The following ESRRG variants were observed in gnomAD, a reference collection of about 807,000 sequenced individuals.
ESRRG encodes estrogen-related receptor gamma.
Under a neutral mutation model 44.0 loss-of-function variants are expected in ESRRG, and 13 were observed. That is an observed-to-expected ratio of 0.30 (90% CI 0.19 to 0.47). ESRRG has a LOEUF of 0.47. ESRRG is among the 20% of genes least tolerant of loss of function. The pLI, the probability that ESRRG is intolerant of heterozygous loss-of-function variation, is 1.00. For missense variants in ESRRG, 395 were observed against 580.6 expected (o/e 0.68, Z 3.29); for synonymous variants, 215 against 214.6 (o/e 1.00, Z -0.02).
At chr1:216,633,262 C>T (rs1010392539) in intron 3 of ESRRG, among the ~76,000 whole-genome samples, 2 of 152,116 alleles carry the variant, frequency 1.3e-5, no homozygotes, top group African/African-American at 4.8e-5. Context: ...TCAGAAGAAT[C>T]GGAGGGCCTG....
chr1:217,103,200 C>T (rs749653222), intron 1 of ESRRG, among the ~76,000 whole-genome samples: 8 of 151,960 alleles, frequency 5.3e-5, no homozygotes, highest in South Asian at 2.1e-4. Context: ...GGAAGTTGAT[C>T]GAGAGTAGAG....
intron 1 of ESRRG, among the ~76,000 whole-genome samples, chr1:217,061,754 A>G (rs564901068): frequency 6.6e-6 from 1 of 152,190 alleles, no homozygotes; most frequent in Non-Finnish European, 1.5e-5. Flanking sequence ...TAATGCCAAG[A>G]TACCTCCTCT....
intron 1 of ESRRG, among the ~76,000 whole-genome samples, chr1:216,705,880 C>T (rs933835765): frequency 1.1e-4 from 16 of 152,192 alleles, no homozygotes; most frequent in African/African-American, 3.6e-4. Flanking sequence ...GGCAAGGCGC[C>T]CTGTCTGATG....
chr1:216,903,851 ACT>A (rs2059377903), intron 2 of ESRRG, among the ~76,000 whole-genome samples: 1 of 151,902 alleles, frequency 6.6e-6, no homozygotes, highest in Non-Finnish European at 1.5e-5. Flanking sequence ...ACAAGAGGTA[ACT>A]CTCTGCAGGA....
At chr1:216,951,112 C>T (rs1323442221) in intron 1 of ESRRG, among the ~76,000 whole-genome samples, 1 of 152,278 alleles carries the variant, frequency 6.6e-6, no homozygotes, top group African/African-American at 2.4e-5. Context: ...TATATCCTGT[C>T]AACAGCAGCA....
chr1:216,900,901 T>C (rs572162393), intron 2 of ESRRG, among the ~76,000 whole-genome samples: 4 of 152,256 alleles, frequency 2.6e-5, no homozygotes, highest in African/African-American at 7.2e-5. Context: ...AAGTTAGAAG[T>C]GCACTAAGGG....
chr1:216,735,987 A>AAAAAAAAATATAT (rs1453476198), intron 2 of ESRRG, among the ~76,000 whole-genome samples: 11 of 137,092 alleles, frequency 8.0e-5, no homozygotes, highest in East Asian at 2.1e-4. Context: ...CTCAAAAAAA[A>AAAAAAAAATATAT]ATATATATAT....
intron 2 of ESRRG, among the ~76,000 whole-genome samples, chr1:216,824,960 G>C (rs2095365213): frequency 6.6e-6 from 1 of 152,194 alleles, no homozygotes; most frequent in Non-Finnish European, 1.5e-5. Context: ...CTTGCTTGGA[G>C]ACAGAGAATT....
chr1:216,858,270 T>C (rs998698199), intron 2 of ESRRG, among the ~76,000 whole-genome samples: 3 of 150,470 alleles, frequency 2.0e-5, no homozygotes, highest in African/African-American at 7.4e-5. Context: ...ACCCTGTCTC[T>C]ACTAAAAAAA....
intron 1 of ESRRG, among the ~76,000 whole-genome samples, chr1:217,031,310 T>G (rs1365835443): frequency 6.6e-6 from 1 of 152,152 alleles, no homozygotes. Flanking sequence ...CCAGAAAACA[T>G]GCACTGAGAG....
intron 3 of ESRRG, among the ~76,000 whole-genome samples, chr1:216,570,216 C>A (rs748794591): frequency 3.3e-5 from 5 of 152,092 alleles, no homozygotes; most frequent in Non-Finnish European, 7.4e-5. Flanking sequence ...CAGGAGACAA[C>A]TTTGAGAAAA....
chr1:216,851,689 C>T (rs1407395055), intron 2 of ESRRG, among the ~76,000 whole-genome samples: 1 of 152,200 alleles, frequency 6.6e-6, no homozygotes, highest in Non-Finnish European at 1.5e-5. Flanking sequence ...TTATAAGCCA[C>T]ACAGTCTATG....
intron 6 of ESRRG, among the ~76,000 whole-genome samples, chr1:216,510,431 T>TA (rs2042367405): frequency 2.0e-5 from 3 of 152,134 alleles, no homozygotes; most frequent in African/African-American, 7.2e-5. Context: ...AAAGAGATCC[T>TA]AAAAAAATGT....
chr1:216,839,215 G>T (rs192785418), intron 2 of ESRRG, among the ~76,000 whole-genome samples: 1 of 152,280 alleles, frequency 6.6e-6, no homozygotes, highest in Non-Finnish European at 1.5e-5. Flanking sequence ...GTCACCTTAA[G>T]AAACTACTCA....
intron 1 of ESRRG, among the ~76,000 whole-genome samples, chr1:217,005,443 T>C (rs2077604784): frequency 6.6e-6 from 1 of 152,142 alleles, no homozygotes; most frequent in South Asian, 2.1e-4. Flanking sequence ...TCAATAAAAA[T>C]TTCAATCACA....
At chr1:216,843,422 C>T (rs192614497) in intron 2 of ESRRG, among the ~76,000 whole-genome samples, 8 of 152,162 alleles carry the variant, frequency 5.3e-5, no homozygotes, top group East Asian at 3.9e-4. Flanking sequence ...TGTTGAATTA[C>T]GTTAAATGCC....
At chr1:216,727,298 T>A (rs1362060977), upstream of ESRRG, among the ~76,000 whole-genome samples, 1 of 152,206 alleles carries the variant, frequency 6.6e-6, no homozygotes, top group Non-Finnish European at 1.5e-5. Context: ...AAATGTATCA[T>A]ATATAGTATA....
At chr1:217,123,044 T>A (rs949056403) in intron 1 of ESRRG, among the ~76,000 whole-genome samples, 1 of 152,050 alleles carries the variant, frequency 6.6e-6, no homozygotes, top group Non-Finnish European at 1.5e-5. Flanking sequence ...TATATTTCGT[T>A]GTTGAGAGCA....
At chr1:216,952,315 G>C (rs2067106690) in intron 1 of ESRRG, among the ~76,000 whole-genome samples, 1 of 152,098 alleles carries the variant, frequency 6.6e-6, no homozygotes, top group East Asian at 1.9e-4. Flanking sequence ...TAGTGTAGAA[G>C]AGATAGTGGC....
Sources: allele counts gnomAD v4.1 joint callset (sites outside exome capture counted in the v4.1 genomes callset), GRCh38; gene constraint gnomAD v4.1.1; transcripts MANE v1.5; gene names NCBI Gene and HGNC (gene_info 2026-07-23, HGNC 2026-07-21).